Variants in MYRFL observed in about 807,000 individuals in gnomAD.
MYRFL encodes the protein myelin regulatory factor-like protein.
Under a neutral mutation model 109.4 loss-of-function variants are expected in MYRFL, and 88 were observed. That is an observed-to-expected ratio of 0.80 (90% CI 0.68 to 0.96). The LOEUF (loss-of-function observed/expected upper bound fraction) is 0.96. Ranked by LOEUF, MYRFL falls within the 40% of genes least tolerant of loss-of-function variation. The pLI is 0.00. For synonymous variants in MYRFL, 324 were observed against 320.9 expected (o/e 1.01, Z -0.10); for missense variants, 957 against 954.9 (o/e 1.00, Z -0.03).
intron 1 of MYRFL, among the ~76,000 whole-genome samples, chr12:69,842,402 C>T (rs190663674): frequency 9.1e-4 from 139 of 152,334 alleles, no homozygotes; most frequent in African/African-American, 3.3e-3. Flanking sequence ...GCTTTATTTA[C>T]TCACCTAACA....
intron 19 of MYRFL, among the ~76,000 whole-genome samples, chr12:69,948,016 A>G (rs1955883172): frequency 6.6e-6 from 1 of 152,190 alleles, no homozygotes; most frequent in Non-Finnish European, 1.5e-5. Flanking sequence ...ATTGTGAAAT[A>G]TATCTCCAAC....
intron 1 of MYRFL, among the ~76,000 whole-genome samples, chr12:69,854,116 G>T (rs544436330): frequency 6.6e-6 from 1 of 152,212 alleles, no homozygotes; most frequent in African/African-American, 2.4e-5. Context: ...AGGCCGAGGC[G>T]GGCAGATCAC....
At chr12:69,940,061 C>G (rs1159338463) in intron 19 of MYRFL, among the ~76,000 whole-genome samples, 1 of 150,956 alleles carries the variant, frequency 6.6e-6, no homozygotes, top group Non-Finnish European at 1.5e-5. Flanking sequence ...GTGAAAAGAC[C>G]AAATCTACGT....
intron 1 of MYRFL, among the ~76,000 whole-genome samples, chr12:69,840,658 A>C (rs1883193602): frequency 6.6e-6 from 1 of 152,250 alleles, no homozygotes; most frequent in Admixed American, 6.5e-5. Flanking sequence ...TGAAATAAAG[A>C]TATACATTTC....
chr12:69,896,931 T>C (rs1954014300), intron 9 of MYRFL, among the ~76,000 whole-genome samples: 2 of 152,206 alleles, frequency 1.3e-5, no homozygotes, highest in South Asian at 4.1e-4. Context: ...AGCTCACAGA[T>C]ACCACCAACT....
In MYRFL at chr12:69,896,683, G is replaced by T. The variant is rs949703515; in HGVS notation, c.1092-473G>T. Among the ~76,000 whole-genome samples, 6 of 152,318 alleles carry T rather than the reference G, an allele frequency of 3.9e-5. No homozygotes were observed. In the East Asian group the frequency reaches 1.2e-3, roughly 29 times the overall value. On this transcript the variant is annotated intron_variant, in intron 9 of 24. Transcript: ENST00000552032. The stretch of plus-strand genomic sequence containing the variant: ...AACTGGGAAGGATCCAGTGTGGTGG[G>T]GCAGACCCTAGGAGTCAGTCTCCAT...
chr12:69,840,858 G>C (rs765663674), intron 1 of MYRFL, among the ~76,000 whole-genome samples: 2 of 152,160 alleles, frequency 1.3e-5, no homozygotes, highest in East Asian at 1.9e-4. Flanking sequence ...GAAAACCCAC[G>C]TGGGGGTTGC....
intron 1 of MYRFL, among the ~76,000 whole-genome samples, chr12:69,847,893 A>C (rs1434010687): frequency 6.6e-6 from 1 of 152,156 alleles, no homozygotes; most frequent in Non-Finnish European, 1.5e-5. Context: ...AAATTTATAG[A>C]CTTTTTTTCT....
intron 13 of MYRFL, among the ~76,000 whole-genome samples, chr12:69,926,351 T>G (rs1383098538): frequency 6.6e-6 from 1 of 152,216 alleles, no homozygotes; most frequent in Non-Finnish European, 1.5e-5. Flanking sequence ...TTTCACTTTA[T>G]TGGAAATTGA....
intron 5 of MYRFL, among the ~76,000 whole-genome samples, chr12:69,885,438 T>C (rs1216962316): frequency 2.0e-5 from 3 of 152,102 alleles, no homozygotes; most frequent in Admixed American, 1.3e-4. Context: ...ACAACCCAGC[T>C]CCTTTCTCCT....
At chr12:69,900,390 T>A (rs1158794879) in intron 10 of MYRFL, among the ~76,000 whole-genome samples, 1 of 152,188 alleles carries the variant, frequency 6.6e-6, no homozygotes, top group East Asian at 1.9e-4. Flanking sequence ...AAGGGCAACT[T>A]ACGACCAGGA....
chr12:69,858,962 G>T (rs964593553), intron 2 of MYRFL, among the ~76,000 whole-genome samples: 3 of 151,806 alleles, frequency 2.0e-5, no homozygotes, highest in African/African-American at 4.8e-5. Context: ...TTTGTTTTCT[G>T]ATTTAAGCAT....
In MYRFL at chr12:69,886,853, A is replaced by C. The variant is rs1365101874; in HGVS notation, c.590A>C (p.Asp197Ala). 10 of 1,535,788 alleles carry C rather than the reference A, an allele frequency of 6.5e-6. No homozygotes were observed. In the African/African-American group the frequency reaches 1.1e-4, roughly 17 times the overall value. ...AGGAGTCGCAGCAGTGAAGTCCAGGACCCTGACAGTGAGGGACAGAACAGA... is the reference window on the plus strand; with the variant it reads ...AGGAGTCGCAGCAGTGAAGTCCAGGCCCCTGACAGTGAGGGACAGAACAGA... ...TSRSRSSEVQ[D>A]PDSEGQNRMP... is the part of the protein sequence containing the mutation. The change falls in exon 6 of 25, where the codon GAC becomes GCC. Residue 197 changes from aspartate (D) to alanine (A), a missense_variant. Transcript: ENST00000552032.
At chr12:69,886,073 A>C (rs757603253) in intron 5 of MYRFL, among the ~76,000 whole-genome samples, 2 of 152,192 alleles carry the variant, frequency 1.3e-5, no homozygotes, top group Non-Finnish European at 2.9e-5. Flanking sequence ...ACAAAAACAA[A>C]CCAAAATTCA....
chr12:69,907,402 C>T (rs1051044094), intron 11 of MYRFL, among the ~76,000 whole-genome samples: 1 of 152,182 alleles, frequency 6.6e-6, no homozygotes, highest in African/African-American at 2.4e-5. Context: ...GGACAGCCTA[C>T]ATGAGGGTAC....
In MYRFL at chr12:69,891,678, T is replaced by TTTCTTTCTTTCTTTCG. The variant is rs1555249414; in HGVS notation, c.903+519_903+520insTTTCTTTCGTTCTTTC. Among the ~76,000 whole-genome samples the TTTCTTTCTTTCTTTCG allele has an allele frequency of 1.2e-4, 13 of 112,436 alleles. 2 individuals carry two copies. Among genetic ancestry groups the TTTCTTTCTTTCTTTCG allele is most frequent in the African/African-American group, 4.1e-4 (10 of 24,420 alleles). 73.8% of individuals were successfully genotyped at this position (112,436 alleles called of 152,430 possible). On this transcript the variant is annotated intron_variant, in intron 7 of 24. Coordinates refer to ENST00000552032, the MANE Select transcript of MYRFL (RefSeq NM_182530.3). Reference sequence around the variant, plus strand: ...CTTTCTTTCTTTCTTTCTTTCTTTCTTTCTTTCGTTCGTTCGTTCTTTCTT... The same window carrying TTTCTTTCTTTCTTTCG: ...CTTTCTTTCTTTCTTTCTTTCTTTCTTTCTTTCTTTCTTTCGTTCTTTCGTTCGTTCGTTCTTTCTT...
At chr12:69,829,768 T>A (rs1379598573) in intron 1 of MYRFL, among the ~76,000 whole-genome samples, 1 of 152,120 alleles carries the variant, frequency 6.6e-6, no homozygotes, top group African/African-American at 2.4e-5. Context: ...ATGATAAATG[T>A]CTTAAGTGGT....
At chr12:69,894,928 G>A (rs1441241554) in intron 8 of MYRFL, among the ~76,000 whole-genome samples, 4 of 152,228 alleles carry the variant, frequency 2.6e-5, no homozygotes, top group Non-Finnish European at 5.9e-5. Flanking sequence ...TTCCTTTGGA[G>A]GAAGCTGCCT....
At chr12:69,920,713 C>G (rs1053309560) in intron 13 of MYRFL, among the ~76,000 whole-genome samples, 2 of 152,098 alleles carry the variant, frequency 1.3e-5, no homozygotes, top group African/African-American at 2.4e-5. Context: ...GCAAATGGTT[C>G]AATATGGTGA....
Sources: gnomAD v4.1 joint callset for allele counts (sites outside exome capture counted in the v4.1 genomes callset) on GRCh38, gnomAD v4.1.1 for gene constraint, MANE v1.5 for transcripts, NCBI Gene and HGNC (gene_info 2026-07-23, HGNC 2026-07-21) for gene names.